PADI6: variants seen among roughly 807,000 people sequenced by gnomAD.
PADI6 encodes the protein inactive protein-arginine deiminase type-6.
A neutral mutation model predicts 78.2 loss-of-function variants in PADI6; 66 were observed. The ratio of observed to expected loss-of-function variants is 0.84; its 90% CI spans 0.69 to 1.04. The LOEUF is 1.04. PADI6 is among the 50% of genes least tolerant of loss of function. The probability of loss-of-function intolerance (pLI) is 0.00; values close to 1 mark genes in which losing one functional copy is unlikely to be tolerated. For synonymous variants in PADI6, 397 were observed against 346.9 expected (o/e 1.14, Z -1.60); for missense variants, 854 against 866.1 (o/e 0.99, Z 0.18).
chr1:17,393,591 C>T (rs1027275358), intron 9 of PADI6, among the ~76,000 whole-genome samples: 7 of 152,118 alleles, frequency 4.6e-5, no homozygotes, highest in African/African-American at 7.2e-5. Context: ...CAGCCTCTGC[C>T]TCCTCCTGAG....
intron 9 of PADI6, 151 bp from the exon 10 acceptor site, chr1:17,393,824 G>T (rs114477153): frequency 3.0e-6 from 2 of 672,638 alleles, no homozygotes; most frequent in Non-Finnish European, 5.3e-6. Context: ...AGGGATCGGA[G>T]AGCCTTCAAG....
intron 2 of PADI6, among the ~76,000 whole-genome samples, chr1:17,373,991 G>A (rs1293564396): frequency 6.6e-6 from 1 of 152,068 alleles, no homozygotes. Flanking sequence ...TTCAGGGCAG[G>A]AGTGTTCAAC....
In PADI6 at chr1:17,395,101, C is replaced by T; in HGVS notation, c.1488C>T (p.Gly496=). ...TCCCCACAGATGACAAGAATGAGGGCAAAAAGGTCTGCTTTGGGGTCTGGA... is the reference window on the plus strand; with the variant it reads ...TCCCCACAGATGACAAGAATGAGGGTAAAAAGGTCTGCTTTGGGGTCTGGA... ...CFIPTDDKNE[G]KKGFLLLLAS... The change falls in exon 12 of 16, where the codon GGC becomes GGT. Residue 496 remains glycine (G), a synonymous_variant. Coordinates refer to ENST00000619609, the MANE Select transcript of PADI6 (RefSeq NM_207421.4). 6.2e-7 allele frequency: 1 copy of T among 1,611,750 alleles called. No homozygotes were observed. The highest frequency in any genetic ancestry group is 1.7e-4 in the Middle Eastern group (1 of 6,030).
At chr1:17,376,210 C>T (rs184581316) in intron 3 of PADI6, among the ~76,000 whole-genome samples, 1,617 of 150,706 alleles carry the variant, frequency 0.011, 19 homozygotes, top group Non-Finnish European at 0.016. Context: ...CCTGACCTCG[C>T]GATCCACCTG....
In PADI6 at chr1:17,399,206, G is replaced by A. The variant is rs2526831; in HGVS notation, c.1851+359G>A. Among the ~76,000 whole-genome samples the A allele has an allele frequency of 1.4e-3, 209 of 152,314 alleles. 1 individual carries two copies. The highest frequency in any genetic ancestry group is 6.2e-3 in the East Asian group (32 of 5,166). On this transcript the variant is annotated intron_variant, in intron 15 of 15. Transcript: ENST00000619609. Reference sequence around the variant, plus strand: ...AGGTTGCCGCGCATCTGCCAGCAGCGAGGCCTTGAGCAACCTACCTCAGGG... The same window carrying A: ...AGGTTGCCGCGCATCTGCCAGCAGCAAGGCCTTGAGCAACCTACCTCAGGG...
chr1:17,391,255 C>T (rs892334421), intron 8 of PADI6, among the ~76,000 whole-genome samples: 12 of 152,080 alleles, frequency 7.9e-5, no homozygotes, highest in African/African-American at 2.7e-4. Flanking sequence ...AGTCTCGCTC[C>T]GTTGCCCAGA....
chr1:17,397,740 C>T lies in PADI6; in HGVS notation c.1689+599C>T, dbSNP rs79601957. On this transcript the variant is annotated intron_variant, in intron 14 of 15. Coordinates refer to ENST00000619609, the MANE Select transcript of PADI6 (RefSeq NM_207421.4). ...CCTCTTACATATGAGGGTAGTGAGG[C>T]ACACAGTAAAACCGCTAGCCCAGGA... is the stretch of plus-strand genomic sequence containing the variant. Among the ~76,000 whole-genome samples, 2,887 of 152,166 alleles carry T rather than the reference C, an allele frequency of 0.019. 210 individuals are homozygous for T. The East Asian group carries it at 0.26, about 14-fold the overall frequency.
intron 15 of PADI6, among the ~76,000 whole-genome samples, chr1:17,400,493 G>A (rs899313299): frequency 2.6e-5 from 4 of 151,790 alleles, no homozygotes; most frequent in Non-Finnish European, 4.4e-5. Flanking sequence ...GGCAACAAGA[G>A]CAAAACTGTT....
intron 6 of PADI6, among the ~76,000 whole-genome samples, chr1:17,383,874 G>GC (rs901778812): frequency 6.6e-5 from 10 of 151,204 alleles, no homozygotes; most frequent in African/African-American, 2.0e-4. Context: ...TAGGGGCTGA[G>GC]CACGGGGCTT....
intron 13 of PADI6, among the ~76,000 whole-genome samples, chr1:17,396,410 C>T (rs1404177066): frequency 6.6e-6 from 1 of 152,090 alleles, no homozygotes; most frequent in Non-Finnish European, 1.5e-5. Flanking sequence ...GCTGTAGGAA[C>T]CCAGAAAGGG....
chr1:17,373,012 A>G, intron 1 of PADI6, 44 bp from the exon 2 acceptor site: 1 of 1,565,370 alleles, frequency 6.4e-7, no homozygotes, highest in Non-Finnish European at 8.7e-7. Context: ...CTAGGCTGAG[A>G]AGGTGTTTGT....
chr1:17,394,916 T>TG, intron 11 of PADI6, 35 bp from the exon 12 acceptor site: 1 of 1,551,468 alleles, frequency 6.4e-7, no homozygotes, highest in Non-Finnish European at 8.7e-7. Flanking sequence ...TGGGCCACAC[T>TG]GGCTCAAGAG....
In PADI6 at chr1:17,395,559, C is replaced by A. The variant is rs1275177817; in HGVS notation, c.1514C>A (p.Ala505Asp). The A allele has an allele frequency of 2.6e-6, 4 of 1,558,540 alleles. No homozygotes were observed. The highest frequency in any genetic ancestry group is 3.5e-6 in the Non-Finnish European group (4 of 1,150,758). ...TCCCAGGGCTTCCTGCTGCTCCTGG[C>A]CAGCCCCAGTGCCTGCTATAAACTG... is the stretch of plus-strand genomic sequence containing the variant. ...EGKKGFLLLL[A>D]SPSACYKLFR... Residue 505 changes from alanine to aspartate, a missense_variant, in exon 13 of 16, where the codon GCC becomes GAC. Coordinates refer to ENST00000619609, the MANE Select transcript of PADI6 (RefSeq NM_207421.4).
chr1:17,388,615 C>A, intron 7 of PADI6, 56 bp downstream of exon 7: 1 of 1,505,394 alleles, frequency 6.6e-7, no homozygotes. Flanking sequence ...GGGGGAAAAG[C>A]CATCTCCCAC....
chr1:17,381,233 T>TTTC, intron 5 of PADI6, 69 bp downstream of exon 5: 1 of 1,352,880 alleles, frequency 7.4e-7, no homozygotes, highest in South Asian at 1.3e-5. Context: ...AGCAAATGGA[T>TTTC]TCCAGACTAA....
intron 9 of PADI6, 130 bp downstream of exon 9, chr1:17,392,355 T>C: frequency 1.5e-6 from 1 of 645,610 alleles, no homozygotes; most frequent in Non-Finnish European, 2.7e-6. Context: ...GGCCCTGTTC[T>C]TAGGACTTCA....
At chr1:17,380,508 T>C (rs2075062425) in intron 4 of PADI6, among the ~76,000 whole-genome samples, 1 of 152,236 alleles carries the variant, frequency 6.6e-6, no homozygotes, top group African/African-American at 2.4e-5. Context: ...GCTGGGACTC[T>C]AGGTGCCTGC....
At chr1:17,389,653 C>T (rs57530655) in intron 8 of PADI6, among the ~76,000 whole-genome samples, 2,298 of 152,306 alleles carry the variant, frequency 0.015, 57 homozygotes, top group African/African-American at 0.053. Context: ...GCTATGTAGC[C>T]ACATGCCTAG....
intron 13 of PADI6, 63 bp from the exon 14 acceptor site, chr1:17,397,008 C>T: frequency 6.5e-7 from 1 of 1,544,530 alleles, no homozygotes; most frequent in African/African-American, 1.4e-5. Context: ...CCCGAGTGTG[C>T]CCAGCTCTGG....
Sources: allele counts gnomAD v4.1 joint callset (sites outside exome capture counted in the v4.1 genomes callset), GRCh38; gene constraint gnomAD v4.1.1; transcripts MANE v1.5; gene names NCBI Gene and HGNC (gene_info 2026-07-23, HGNC 2026-07-21).